The following MAP4K3 variants were observed in gnomAD, a reference collection of about 807,000 sequenced individuals.
MAP4K3 encodes the protein mitogen-activated protein kinase kinase kinase kinase 3.
A neutral mutation model predicts 143.5 loss-of-function variants in MAP4K3; 94 were observed. The ratio of observed to expected loss-of-function variants is 0.65; its 90% CI spans 0.55 to 0.78. The LOEUF (loss-of-function observed/expected upper bound fraction) is 0.78. MAP4K3 is among the 30% of genes least tolerant of loss of function. The probability of loss-of-function intolerance (pLI) is 0.00; values close to 1 mark genes in which losing one functional copy is unlikely to be tolerated. For synonymous variants in MAP4K3, 416 were observed against 347.2 expected, an observed-to-expected ratio of 1.20 and a Z score of -2.20; for missense variants, 1,077 against 1,068.1, an observed-to-expected ratio of 1.01 and a Z score of -0.12.
chr2:39,295,497 C>A (rs1389593151), intron 16 of MAP4K3, among the ~76,000 whole-genome samples: 3 of 151,964 alleles, frequency 2.0e-5, no homozygotes, highest in Non-Finnish European at 4.4e-5. Flanking sequence ...TTGAGAAGTG[C>A]TGCTTTAAAC....
intron 12 of MAP4K3, among the ~76,000 whole-genome samples, chr2:39,321,272 A>G (rs980237806): frequency 1.3e-5 from 2 of 152,114 alleles, no homozygotes; most frequent in African/African-American, 4.8e-5. Context: ...ACATTCTGTT[A>G]ATCTATGATC....
intron 13 of MAP4K3, among the ~76,000 whole-genome samples, chr2:39,310,655 C>T (rs1159814456): frequency 2.0e-5 from 3 of 152,106 alleles, no homozygotes; most frequent in Non-Finnish European, 4.4e-5. Context: ...TCTTGAGGAA[C>T]CTCCATACTG....
intron 3 of MAP4K3, among the ~76,000 whole-genome samples, chr2:39,351,161 C>G (rs1665446243): frequency 6.6e-6 from 1 of 152,152 alleles, no homozygotes; most frequent in Non-Finnish European, 1.5e-5. Flanking sequence ...AATCTCTGCA[C>G]ATACTGAGAA....
At chr2:39,261,411 T>C (rs1336980820) in intron 28 of MAP4K3, among the ~76,000 whole-genome samples, 2 of 152,202 alleles carry the variant, frequency 1.3e-5, no homozygotes, top group Non-Finnish European at 2.9e-5. Flanking sequence ...ACTTCATTAG[T>C]AATCAAGAAA....
intron 16 of MAP4K3, among the ~76,000 whole-genome samples, chr2:39,297,931 A>C (rs542849033): frequency 1.3e-5 from 2 of 152,310 alleles, no homozygotes; most frequent in African/African-American, 4.8e-5. Flanking sequence ...ATACACTACG[A>C]AAATGTCTAA....
intron 1 of MAP4K3, among the ~76,000 whole-genome samples, chr2:39,428,542 G>A (rs1198067242): frequency 6.6e-6 from 1 of 151,870 alleles, no homozygotes; most frequent in African/African-American, 2.4e-5. Context: ...TGGGCGTGGT[G>A]ACGGGTGCCT....
At chr2:39,334,767 A>C (rs1396424323) in intron 6 of MAP4K3, among the ~76,000 whole-genome samples, 7 of 152,202 alleles carry the variant, frequency 4.6e-5, no homozygotes, top group Non-Finnish European at 2.9e-5. Context: ...CTCTGGGGTT[A>C]CAATAATGAG....
At chr2:39,317,105 C>T (rs146682325) in intron 12 of MAP4K3, among the ~76,000 whole-genome samples, 346 of 152,110 alleles carry the variant, frequency 2.3e-3, no homozygotes, top group Non-Finnish European at 3.8e-3. Flanking sequence ...AGAAATAAAG[C>T]CATACATCTA....
chr2:39,264,431 T>G (rs1680689542), intron 28 of MAP4K3, among the ~76,000 whole-genome samples: 1 of 152,180 alleles, frequency 6.6e-6, no homozygotes, highest in Admixed American at 6.5e-5. Context: ...AAAACTAGAT[T>G]TCTTAGTCAC....
chr2:39,325,838 T>C (rs749048651), intron 10 of MAP4K3, 27 bp from the exon 11 acceptor site: 5 of 1,571,764 alleles, frequency 3.2e-6, no homozygotes, highest in Admixed American at 1.8e-5. Context: ...ATTAGACTTT[T>C]ACATTCCAAT....
chr2:39,341,827 A>G (rs928926536), intron 4 of MAP4K3, among the ~76,000 whole-genome samples: 1 of 152,184 alleles, frequency 6.6e-6, no homozygotes, highest in East Asian at 1.9e-4. Context: ...ATAATGCCAG[A>G]TATCTCTTCA....
At chr2:39,401,282 G>A (rs1391371389) in intron 1 of MAP4K3, among the ~76,000 whole-genome samples, 1 of 152,116 alleles carries the variant, frequency 6.6e-6, no homozygotes, top group African/African-American at 2.4e-5. Flanking sequence ...TCCTTGTGAG[G>A]AAACACACAA....
intron 32 of MAP4K3, among the ~76,000 whole-genome samples, chr2:39,253,300 A>G (rs1680219629): frequency 6.6e-6 from 1 of 151,996 alleles, no homozygotes; most frequent in Non-Finnish European, 1.5e-5. Context: ...CGCCTGGCTA[A>G]TTTTTCTATT....
rs954879758 is a variant in MAP4K3, at chr2:39,299,361, G to A, written c.1178+382C>T. On this transcript the variant is annotated intron_variant, in intron 16 of 33. Transcript: ENST00000263881. Reference sequence around the variant, plus strand: ...ATAGCTAAAAAGTTAAGATTTCTAAGTTGTATGAATAATTCCAGCTGTTTT... The same window carrying A: ...ATAGCTAAAAAGTTAAGATTTCTAAATTGTATGAATAATTCCAGCTGTTTT... Among the ~76,000 whole-genome samples, 5 of 152,226 alleles carry A rather than the reference G, an allele frequency of 3.3e-5. No individual in the cohort carries two copies. The East Asian group carries it at 7.7e-4, about 23-fold the overall frequency.
intron 16 of MAP4K3, among the ~76,000 whole-genome samples, chr2:39,295,836 A>C (rs1190368623): frequency 6.6e-6 from 1 of 150,518 alleles, no homozygotes; most frequent in Non-Finnish European, 1.5e-5. Flanking sequence ...CTCGTGCCTC[A>C]GCCTCCCGAG....
chr2:39,337,369 T>G (rs888128511), intron 5 of MAP4K3, among the ~76,000 whole-genome samples, 157 bp downstream of exon 5: 1 of 152,186 alleles, frequency 6.6e-6, no homozygotes, highest in Non-Finnish European at 1.5e-5. Context: ...GTAAATATAA[T>G]TTGAGTTCAT....
At chr2:39,346,727 A>G (rs1018665199) in intron 3 of MAP4K3, among the ~76,000 whole-genome samples, 1 of 152,198 alleles carries the variant, frequency 6.6e-6, no homozygotes, top group Non-Finnish European at 1.5e-5. Context: ...AAACTATTTT[A>G]ATCTGCACTA....
chr2:39,283,505 A>C (rs1172809488), intron 21 of MAP4K3, among the ~76,000 whole-genome samples: 5 of 152,104 alleles, frequency 3.3e-5, no homozygotes, highest in African/African-American at 1.2e-4. Context: ...GGAGCTTTTA[A>C]AAATATATTC....
At chr2:39,270,727 A>C (rs1361726576) in intron 26 of MAP4K3, among the ~76,000 whole-genome samples, 1 of 152,168 alleles carries the variant, frequency 6.6e-6, no homozygotes, top group East Asian at 1.9e-4. Context: ...TATCTTCAGA[A>C]TGAGAACCAT....
Sources: allele counts gnomAD v4.1 joint callset (sites outside exome capture counted in the v4.1 genomes callset), GRCh38; gene constraint gnomAD v4.1.1; transcripts MANE v1.5; gene names NCBI Gene and HGNC (gene_info 2026-07-23, HGNC 2026-07-21).